The following RBFOX1 variants were observed in gnomAD, a reference collection of about 807,000 sequenced individuals.
RBFOX1 encodes the protein RNA binding fox-1 homolog 1.
Under a neutral mutation model 57.7 loss-of-function variants are expected in RBFOX1, and 8 were observed. That is an observed-to-expected ratio of 0.14 (90% CI 0.08 to 0.25). The LOEUF is 0.25. Among genes scored for constraint, RBFOX1 ranks in the 10% least tolerant of loss-of-function variants. The probability of loss-of-function intolerance (pLI) is 1.00; values close to 1 mark genes in which losing one functional copy is unlikely to be tolerated. For synonymous variants in RBFOX1, 326 were observed against 222.4 expected (o/e 1.47, Z -4.15); for missense variants, 611 against 548.5 (o/e 1.11, Z -1.14).
intron 4 of RBFOX1, among the ~76,000 whole-genome samples, chr16:5,910,823 G>A (rs564411893): frequency 2.5e-4 from 38 of 152,264 alleles, no homozygotes; most frequent in Non-Finnish European, 4.4e-4. Context: ...GGCTGGAAGT[G>A]CTGGCAGATT....
chr16:5,664,875 G>T (rs2049779692), intron 3 of RBFOX1, among the ~76,000 whole-genome samples: 4 of 151,484 alleles, frequency 2.6e-5, no homozygotes, highest in Admixed American at 2.0e-4. Context: ...TGTGTAGAAG[G>T]CCCTGCACAC....
intron 3 of RBFOX1, among the ~76,000 whole-genome samples, chr16:5,820,707 A>G (rs961336619): frequency 1.3e-5 from 2 of 151,378 alleles, no homozygotes; most frequent in Non-Finnish European, 2.9e-5. Flanking sequence ...TTGGGACGCG[A>G]CTCCAGCAGC....
At chr16:5,650,409 G>T (rs919670011) in intron 3 of RBFOX1, among the ~76,000 whole-genome samples, 1 of 152,220 alleles carries the variant, frequency 6.6e-6, no homozygotes, top group Non-Finnish European at 1.5e-5. Flanking sequence ...CATCCTGCAA[G>T]TGGTGCGGGA....
chr16:5,911,847 G>A (rs1250607711), intron 4 of RBFOX1, among the ~76,000 whole-genome samples: 3 of 152,024 alleles, frequency 2.0e-5, no homozygotes, highest in Non-Finnish European at 1.5e-5. Flanking sequence ...AACCATGAGG[G>A]CCCCACCCCC....
intron 4 of RBFOX1, among the ~76,000 whole-genome samples, chr16:7,269,434 C>G (rs531422533): frequency 6.6e-6 from 1 of 151,974 alleles, no homozygotes; most frequent in Non-Finnish European, 1.5e-5. Context: ...TTTTTGGGGT[C>G]TCTGTGTGTG....
At chr16:6,465,545 G>A (rs906053343) in intron 2 of RBFOX1, among the ~76,000 whole-genome samples, 2 of 151,964 alleles carry the variant, frequency 1.3e-5, no homozygotes, top group Non-Finnish European at 2.9e-5. Context: ...AAGTTTACCT[G>A]CACTTTTAGT....
In RBFOX1 at chr16:6,182,867, C is replaced by G. The variant is rs1308698484; in HGVS notation, c.-126-134128C>G. Among the ~76,000 whole-genome samples, 6 of 152,086 alleles carry G rather than the reference C, an allele frequency of 3.9e-5. No homozygotes were observed. In the South Asian group the frequency reaches 6.2e-4, roughly 16 times the overall value. ...TAGCTTGTGAAGAATAGAACACATT[C>G]TCAAGAGTTGAATGAACCTGTTAAT... is the stretch of plus-strand genomic sequence containing the variant. On this transcript the variant is annotated intron_variant, in intron 1 of 15. Coordinates refer to ENST00000550418, the MANE Select transcript of RBFOX1 (RefSeq NM_018723.4).
intron 3 of RBFOX1, among the ~76,000 whole-genome samples, chr16:6,746,276 A>G (rs780069854): frequency 6.6e-6 from 1 of 152,148 alleles, no homozygotes; most frequent in African/African-American, 2.4e-5. Context: ...TCTAAAATTC[A>G]TATAGAAGTG....
At chr16:6,001,561 G>A (rs2060600490) in intron 4 of RBFOX1, among the ~76,000 whole-genome samples, 1 of 152,162 alleles carries the variant, frequency 6.6e-6, no homozygotes, top group South Asian at 2.1e-4. Context: ...CGAGATAAGT[G>A]CGTAATTAAA....
At chr16:6,904,959 G>A (rs562269854) in intron 3 of RBFOX1, among the ~76,000 whole-genome samples, 1 of 152,286 alleles carries the variant, frequency 6.6e-6, no homozygotes, top group South Asian at 2.1e-4. Flanking sequence ...AAGCAGTGGG[G>A]ATGAAGCCTC....
chr16:5,965,376 G>A (rs2059822833), intron 4 of RBFOX1, among the ~76,000 whole-genome samples: 2 of 152,134 alleles, frequency 1.3e-5, no homozygotes, highest in African/African-American at 4.8e-5. Flanking sequence ...ACTTCAAAAT[G>A]TGTACATATA....
intron 1 of RBFOX1, among the ~76,000 whole-genome samples, chr16:5,404,690 A>G (rs2066813858): frequency 6.6e-6 from 1 of 152,208 alleles, no homozygotes; most frequent in Non-Finnish European, 1.5e-5. Context: ...CCTGGGGGAT[A>G]GGGAAACCCA....
chr16:6,995,118 C>T (rs1366627876), intron 3 of RBFOX1, among the ~76,000 whole-genome samples: 2 of 152,114 alleles, frequency 1.3e-5, no homozygotes, highest in Non-Finnish European at 2.9e-5. Context: ...AGTCTGTTAT[C>T]TGTCACCTGT....
At chr16:7,001,442 GTATA>G (rs2092794768) in intron 3 of RBFOX1, among the ~76,000 whole-genome samples, 3 of 151,082 alleles carry the variant, frequency 2.0e-5, no homozygotes, top group Non-Finnish European at 4.4e-5. Flanking sequence ...ATATGTATAT[GTATA>G]TGTATATGTA....
At chr16:6,256,287 G>GTATATATATATGTA (rs1200399245) in intron 1 of RBFOX1, among the ~76,000 whole-genome samples, 10 of 108,114 alleles carry the variant, frequency 9.2e-5, no homozygotes, top group Non-Finnish European at 1.5e-4. Context: ...ATATATGTGT[G>GTATATATATATGTA]TATATATATA....
intron 2 of RBFOX1, among the ~76,000 whole-genome samples, chr16:6,444,186 G>A (rs28691667): frequency 7.2e-5 from 11 of 152,068 alleles, no homozygotes; most frequent in African/African-American, 2.7e-4. Context: ...GGTTTTGTCA[G>A]TGTGCACTGG....
At chr16:5,740,635 C>G (rs1388234584) in intron 3 of RBFOX1, among the ~76,000 whole-genome samples, 2 of 152,132 alleles carry the variant, frequency 1.3e-5, no homozygotes, top group Non-Finnish European at 2.9e-5. Context: ...GATCCAGGAG[C>G]TTAAACAGTA....
chr16:6,582,074 C>A (rs1600546427), intron 2 of RBFOX1, among the ~76,000 whole-genome samples: 1 of 152,106 alleles, frequency 6.6e-6, no homozygotes, highest in Admixed American at 6.5e-5. Flanking sequence ...CAGCTCCCCA[C>A]CCAACAAAGA....
At chr16:7,047,071 C>T (rs1207001717) in intron 3 of RBFOX1, among the ~76,000 whole-genome samples, 1 of 143,948 alleles carries the variant, frequency 6.9e-6, no homozygotes, top group African/African-American at 2.6e-5. Context: ...TTGCTTTAAG[C>T]CATTAAACAT....
Sources: gnomAD v4.1 joint callset for allele counts (sites outside exome capture counted in the v4.1 genomes callset) on GRCh38, gnomAD v4.1.1 for gene constraint, MANE v1.5 for transcripts, NCBI Gene and HGNC (gene_info 2026-07-23, HGNC 2026-07-21) for gene names.